CES5A: variants seen among roughly 807,000 people sequenced by gnomAD.
CES5A encodes carboxylesterase 5.
CES5A carries 67 observed loss-of-function variants against 62.9 expected under a neutral mutation model. That is an observed-to-expected ratio of 1.07 (90% confidence interval 0.88 to 1.31). The LOEUF (loss-of-function observed/expected upper bound fraction) is 1.31. CES5A is among the 50% of genes most tolerant of loss of function. The pLI is 0.00. For missense variants in CES5A, 748 were observed against 708.5 expected, an observed-to-expected ratio of 1.06 and a Z score of -0.63; for synonymous variants, 296 against 280.8, an observed-to-expected ratio of 1.05 and a Z score of -0.54.
At chr16:55,869,383 G>A in intron 4 of CES5A, 2 of 676,924 alleles carry the variant, frequency 3.0e-6, no homozygotes, top group Non-Finnish European at 4.4e-6. Context: ...GCCGATCAGG[G>A]ATGCTCAATT....
chr16:55,888,258 T>C (rs2033837726), intron 1 of CES5A, among the ~76,000 whole-genome samples: 1 of 152,198 alleles, frequency 6.6e-6, no homozygotes, highest in South Asian at 2.1e-4. Flanking sequence ...TCCCTTCATG[T>C]TGACAAATTT....
chr16:55,855,863 G>A (rs545971292), intron 9 of CES5A, among the ~76,000 whole-genome samples: 1 of 152,254 alleles, frequency 6.6e-6, no homozygotes, highest in East Asian at 1.9e-4. Flanking sequence ...ATGTTGAATT[G>A]TAATCTCTAA....
At chr16:55,906,905 G>C (rs1248511738) in intron 1 of CES5A, among the ~76,000 whole-genome samples, 1 of 152,206 alleles carries the variant, frequency 6.6e-6, no homozygotes, top group African/African-American at 2.4e-5. Flanking sequence ...CCTCATGCTA[G>C]CTGAGAGACC....
chr16:55,951,618 G>A (rs759892367), intron 1 of CES5A, among the ~76,000 whole-genome samples: 3 of 152,066 alleles, frequency 2.0e-5, no homozygotes, highest in Admixed American at 6.5e-5. Context: ...TATGTTGTGC[G>A]AATTCTAAGA....
intron 7 of CES5A, among the ~76,000 whole-genome samples, chr16:55,860,790 G>A (rs1446563745): frequency 1.3e-5 from 2 of 152,148 alleles, no homozygotes; most frequent in Non-Finnish European, 2.9e-5. Context: ...GGCTCAGAGT[G>A]GACATTCAGT....
chr16:55,858,219 T>TA (rs2033282665), intron 8 of CES5A, among the ~76,000 whole-genome samples: 1 of 152,044 alleles, frequency 6.6e-6, no homozygotes, highest in Admixed American at 6.6e-5. Flanking sequence ...TAGATTAAAT[T>TA]AAATTAAAAA....
chr16:55,912,106 C>T (rs1257910720), intron 1 of CES5A, among the ~76,000 whole-genome samples: 1 of 152,108 alleles, frequency 6.6e-6, no homozygotes, highest in African/African-American at 2.4e-5. Flanking sequence ...AGTAGAGGAA[C>T]ATGTATTCTC....
intron 1 of CES5A, among the ~76,000 whole-genome samples, chr16:55,916,034 A>C (rs1368550422): frequency 2.0e-5 from 3 of 152,144 alleles, no homozygotes; most frequent in Non-Finnish European, 4.4e-5. Context: ...CAGAAGTATT[A>C]CTCAAATCAA....
At chr16:55,875,453 A>G, upstream of CES5A, 1 of 1,092,388 alleles carries the variant, frequency 9.2e-7, no homozygotes, top group South Asian at 2.1e-5. Context: ...TGAGCTGGGG[A>G]AAGATAATTT....
intron 2 of CES5A, among the ~76,000 whole-genome samples, chr16:55,930,639 C>A (rs1165939030): frequency 1.3e-5 from 2 of 152,200 alleles, no homozygotes; most frequent in Non-Finnish European, 2.9e-5. Flanking sequence ...CTGTCCCAGG[C>A]TTTTCTGACT....
chr16:55,890,608 C>T (rs2033866889), intron 1 of CES5A, among the ~76,000 whole-genome samples: 1 of 151,938 alleles, frequency 6.6e-6, no homozygotes, highest in African/African-American at 2.4e-5. Context: ...TCTTATAAAC[C>T]TATGTGAAAA....
At chr16:55,926,270 A>C (rs1419237180), upstream of CES5A, among the ~76,000 whole-genome samples, 1 of 152,232 alleles carries the variant, frequency 6.6e-6, no homozygotes, top group Non-Finnish European at 1.5e-5. Context: ...TTTTTAAAAA[A>C]GAATAGAAAA....
intron 1 of CES5A, among the ~76,000 whole-genome samples, chr16:55,951,253 ACAAT>A: frequency 6.6e-6 from 1 of 152,150 alleles, no homozygotes; most frequent in Non-Finnish European, 1.5e-5. Flanking sequence ...GGGAGTTTAA[ACAAT>A]GGAAATTTAT....
chr16:55,857,080 C>T (rs1205008396), intron 8 of CES5A, among the ~76,000 whole-genome samples: 1 of 152,170 alleles, frequency 6.6e-6, no homozygotes, highest in African/African-American at 2.4e-5. Flanking sequence ...TTGTTGTTCT[C>T]CTTCTAAAGA....
intron 1 of CES5A, chr16:55,955,831 G>A (rs976728410): frequency 1.3e-6 from 2 of 1,535,880 alleles, no homozygotes; most frequent in Non-Finnish European, 1.7e-6. Flanking sequence ...AGCACCCTGT[G>A]GCTAATACTC....
chr16:55,877,293 A>G (rs1309625698), upstream of CES5A, among the ~76,000 whole-genome samples: 3 of 152,150 alleles, frequency 2.0e-5, no homozygotes, highest in African/African-American at 7.2e-5. Context: ...AACTGTTTAA[A>G]TTACTGAATA....
chr16:55,888,216 G>A (rs1386903195), intron 1 of CES5A, among the ~76,000 whole-genome samples: 2 of 152,166 alleles, frequency 1.3e-5, no homozygotes, highest in African/African-American at 2.4e-5. Flanking sequence ...TTCAGCTGCA[G>A]TTGTTGTAGA....
intron 1 of CES5A, among the ~76,000 whole-genome samples, chr16:55,900,324 T>C (rs1450949287): frequency 6.6e-6 from 1 of 152,144 alleles, no homozygotes; most frequent in Non-Finnish European, 1.5e-5. Flanking sequence ...AAAAGAACCT[T>C]ATCTTCAAAC....
chr16:55,918,945 G>A (rs1455859024), intron 1 of CES5A, among the ~76,000 whole-genome samples: 2 of 152,162 alleles, frequency 1.3e-5, no homozygotes, highest in Non-Finnish European at 1.5e-5. Context: ...TCTCTACCAG[G>A]GTGGGTCTTC....
Sources: allele counts gnomAD v4.1 joint callset (sites outside exome capture counted in the v4.1 genomes callset), GRCh38; gene constraint gnomAD v4.1.1; transcripts MANE v1.5; gene names NCBI Gene and HGNC (gene_info 2026-07-23, HGNC 2026-07-21).